TADA3: variants seen among roughly 807,000 people sequenced by gnomAD.
The protein encoded by TADA3 is transcriptional adaptor 3.
A neutral mutation model predicts 43.2 loss-of-function variants in TADA3; 25 were observed. The ratio of observed to expected loss-of-function variants is 0.58; its 90% CI spans 0.42 to 0.81. The LOEUF (loss-of-function observed/expected upper bound fraction) is 0.81, where lower values mean the gene tolerates loss of function less well. Ranked by LOEUF, TADA3 falls within the 30% of genes least tolerant of loss-of-function variation. The pLI, the probability that TADA3 is intolerant of heterozygous loss-of-function variation, is 0.00. For missense variants in TADA3, 441 were observed against 567.8 expected, an observed-to-expected ratio of 0.78 and a Z score of 2.27; for synonymous variants, 235 against 225.5, an observed-to-expected ratio of 1.04 and a Z score of -0.38.
intron 8 of TADA3, chr3:9,781,553 T>C (rs1267942437): frequency 2.2e-6 from 1 of 456,678 alleles, no homozygotes; most frequent in Admixed American, 2.3e-5. Context: ...CGTCGGCATC[T>C]GCATTCCAGA....
At position 9,785,354 on chromosome 3, in the gene TADA3, C is replaced by T; in HGVS notation, c.882G>A (p.Gly294=). The T allele has an allele frequency of 6.2e-7, 1 of 1,614,032 alleles. No individual in the cohort carries two copies. The highest frequency in any genetic ancestry group is 1.1e-5 in the South Asian group (1 of 91,064). Residue 294 remains glycine, a synonymous_variant, in exon 7 of 9, where the codon GGG becomes GGA. Transcript: ENST00000301964. ...DMSGKESGAD[G]ASTSPRNQNK... ...TCTGATTGCGAGGGGAGGTGCTTGC[C>T]CCGTCAGCCCCTGATTCTTTCCCAG...
chr3:9,791,347 G>T lies in TADA3; in HGVS notation c.120C>A (p.Ile40=). ...CCAGCTGCAGGGTGTCCAGCTCCTC[G>T]ATGCCGATGCCATCATCCTCAGAGC... The part of the protein sequence containing the change: ...LARSEDDGIG[I]EELDTLQLEL... Residue 40 remains isoleucine (I), a synonymous_variant, in exon 2 of 9, where the codon ATC becomes ATA. Transcript: ENST00000301964. 1 of 1,614,204 alleles carries T rather than the reference G, an allele frequency of 6.2e-7. No homozygotes were observed. The highest frequency in any genetic ancestry group is 8.5e-7 in the Non-Finnish European group (1 of 1,180,044).
intron 7 of TADA3, 112 bp from the exon 8 acceptor site, chr3:9,784,325 A>C: frequency 7.2e-7 from 1 of 1,381,816 alleles, no homozygotes; most frequent in Non-Finnish European, 9.7e-7. Flanking sequence ...CCCTTTGGGC[A>C]CCCCCTCTGT....
At chr3:9,787,470 A>G in intron 4 of TADA3, 130 bp from the exon 5 acceptor site, 1 of 1,322,834 alleles carries the variant, frequency 7.6e-7, no homozygotes, top group Non-Finnish European at 1.0e-6. Context: ...TGTCAGGTGT[A>G]GGTAAGAAAG....
At chr3:9,788,703 C>A (rs2078673322) in intron 4 of TADA3, among the ~76,000 whole-genome samples, 1 of 151,844 alleles carries the variant, frequency 6.6e-6, no homozygotes, top group Non-Finnish European at 1.5e-5. Flanking sequence ...CCGTGCCAGG[C>A]TAATTTTTGT....
chr3:9,785,502 T>A, intron 6 of TADA3, 77 bp from the exon 7 acceptor site: 3 of 946,894 alleles, frequency 3.2e-6, no homozygotes, highest in Non-Finnish European at 4.9e-6. Flanking sequence ...ACACTGACAG[T>A]CTTCAAACAC....
chr3:9,780,637 C>T, intron 8 of TADA3, 88 bp from the exon 9 acceptor site: 1 of 1,392,942 alleles, frequency 7.2e-7, no homozygotes, highest in South Asian at 1.4e-5. Flanking sequence ...ACCCACCAGC[C>T]CAGGCTGGCA....
At chr3:9,792,743 G>A, upstream of TADA3, 3 of 1,243,154 alleles carry the variant, frequency 2.4e-6, no homozygotes, top group Non-Finnish European at 1.0e-6. Context: ...GTACAGAACC[G>A]GAAGAAACGA....
At chr3:9,781,337 T>G (rs944452308) in intron 8 of TADA3, among the ~76,000 whole-genome samples, 1 of 151,236 alleles carries the variant, frequency 6.6e-6, no homozygotes, top group Admixed American at 6.6e-5. Context: ...GCACACCCAC[T>G]CTCTCTCTCT....
chr3:9,787,675 A>G, intron 4 of TADA3: 1 of 1,357,410 alleles, frequency 7.4e-7, no homozygotes. Flanking sequence ...GTGACAGGGA[A>G]TTACCTTTTG....
At position 9,780,392 on chromosome 3, in the gene TADA3, CCT is replaced by C; in HGVS notation, c.1262_1263del (p.Lys421ArgfsTer3). The C allele has an allele frequency of 6.2e-7, 1 of 1,613,610 alleles. No individual in the cohort carries two copies. The highest frequency in any genetic ancestry group is 8.5e-7 in the Non-Finnish European group (1 of 1,179,922). On this transcript the variant is annotated frameshift_variant, in exon 9 of 9. Transcript: ENST00000301964. LOFTEE classifies it high-confidence loss of function. ...AGCAGCTTCAGGATGCTCTCACGCT[CCT>C]TCAGAGTCTTCCAGGCCTGGTCCTT... The part of the protein sequence containing the change: ...KEKDQAWKTL[K>X]ERESILKLLD...
intron 8 of TADA3, 74 bp from the exon 9 acceptor site, chr3:9,780,623 G>GCCTA: frequency 6.8e-7 from 1 of 1,464,586 alleles, no homozygotes; most frequent in Non-Finnish European, 9.1e-7. Context: ...TCAAGACCGA[G>GCCTA]CCTACCCACC....
chr3:9,790,570 A>G (rs1051224719), intron 2 of TADA3, among the ~76,000 whole-genome samples: 12 of 152,176 alleles, frequency 7.9e-5, no homozygotes, highest in African/African-American at 2.9e-4. Flanking sequence ...AACCATCTCT[A>G]TTTTGCAGAA....
rs181799168 is a variant in TADA3, at chr3:9,782,548, C to T, written c.1106+1480G>A. On this transcript the variant is annotated intron_variant, in intron 8 of 8. Coordinates refer to ENST00000301964, the MANE Select transcript of TADA3 (RefSeq NM_006354.5). The stretch of plus-strand genomic sequence containing the variant: ...CTCCTTTTAATGGCACTTATCTTTA[C>T]TGATCATCTGCTAGTAATCTGCAAG... 4.6e-5 allele frequency among the ~76,000 whole-genome samples: 7 copies of T among 152,356 alleles called. No individual in the cohort carries two copies. In the East Asian group the frequency reaches 9.6e-4, roughly 21 times the overall value.
intron 4 of TADA3, chr3:9,787,806 TA>T: frequency 1.1e-6 from 1 of 946,194 alleles, no homozygotes; most frequent in Non-Finnish European, 1.5e-6. Context: ...AGAGACTGAC[TA>T]ACTTTCTGCT....
intron 8 of TADA3, among the ~76,000 whole-genome samples, chr3:9,782,115 G>C (rs1238194340): frequency 1.3e-5 from 2 of 152,124 alleles, no homozygotes; most frequent in African/African-American, 4.8e-5. Context: ...TGGGATTACA[G>C]GCATGAGCCA....
Position 9,792,311 on chromosome 3 carries a change from C to G in TADA3, c.-123G>C. 5.4e-6 allele frequency: 1 copy of G among 186,468 alleles called. No individual in the cohort carries two copies. The highest frequency in any genetic ancestry group is 1.0e-5 in the Non-Finnish European group (1 of 97,760). 11.6% of individuals were successfully genotyped at this position (186,468 alleles called of 1,614,324 possible). A position where few individuals can be genotyped will look rare whatever the true frequency, so the allele number is the denominator to read the frequency against. Reference sequence around the variant, plus strand: ...TGGGACTGTTTAATGGCTGGCCCCGCCCGGGGGTCGCCCAAATGTCCCGCC... The same window carrying G: ...TGGGACTGTTTAATGGCTGGCCCCGGCCGGGGGTCGCCCAAATGTCCCGCC... On this transcript the variant is annotated 5_prime_UTR_variant, in exon 1 of 9. Coordinates refer to ENST00000301964, the MANE Select transcript of TADA3 (RefSeq NM_006354.5).
chr3:9,791,234 T>C (rs2078724450), intron 2 of TADA3, 26 bp downstream of exon 2: 1 of 1,598,868 alleles, frequency 6.3e-7, no homozygotes, highest in African/African-American at 1.3e-5. Flanking sequence ...CCATCTCTGG[T>C]GCTGGCCCCT....
chr3:9,792,667 C>T, upstream of TADA3: 1 of 1,232,600 alleles, frequency 8.1e-7, no homozygotes, highest in Non-Finnish European at 1.0e-6. Flanking sequence ...CCGAGATCTC[C>T]GCGCTGCAGT....
Sources: gnomAD v4.1 joint callset for allele counts (sites outside exome capture counted in the v4.1 genomes callset) on GRCh38, gnomAD v4.1.1 for gene constraint, MANE v1.5 for transcripts, NCBI Gene and HGNC (gene_info 2026-07-23, HGNC 2026-07-21) for gene names.